The following LPCAT2 variants were observed in gnomAD, a reference collection of about 807,000 sequenced individuals.
The protein encoded by LPCAT2 is lysophosphatidylcholine acyltransferase 2.
In LPCAT2, 58 loss-of-function variants were observed where a neutral mutation model predicts 64.7. The ratio of observed to expected loss-of-function variants is 0.90; its 90% CI spans 0.73 to 1.12. The LOEUF is 1.12. Among genes scored for constraint, LPCAT2 ranks in the 50% most tolerant of loss-of-function variants. The pLI is 0.00. For synonymous variants in LPCAT2, 252 were observed against 245.3 expected (o/e 1.03, Z -0.26); for missense variants, 579 against 669.8 (o/e 0.86, Z 1.50).
chr16:55,581,189 C>A (rs558207921), intron 13 of LPCAT2, among the ~76,000 whole-genome samples: 16 of 152,270 alleles, frequency 1.1e-4, no homozygotes, highest in South Asian at 6.2e-4. Flanking sequence ...AATTAAAGTT[C>A]TTGGTTTCAG....
chr16:55,516,674 A>G (rs1484278380), intron 1 of LPCAT2, among the ~76,000 whole-genome samples: 1 of 152,212 alleles, frequency 6.6e-6, no homozygotes, highest in Non-Finnish European at 1.5e-5. Context: ...TCGAAGGGTG[A>G]AAGATTTTCA....
intron 1 of LPCAT2, among the ~76,000 whole-genome samples, chr16:55,523,102 A>T (rs1244208488): frequency 1.3e-5 from 2 of 151,718 alleles, no homozygotes; most frequent in Non-Finnish European, 3.0e-5. Flanking sequence ...CAAATTGATA[A>T]GAAAAAGACT....
intron 2 of LPCAT2, 117 bp downstream of exon 2, chr16:55,525,764 C>A: frequency 1.8e-6 from 1 of 566,844 alleles, no homozygotes; most frequent in Non-Finnish European, 2.7e-6. Context: ...TTAGATAAAA[C>A]TATTTTATCT....
chr16:55,552,758 G>C (rs1382487744), intron 11 of LPCAT2, among the ~76,000 whole-genome samples: 2 of 152,198 alleles, frequency 1.3e-5, no homozygotes, highest in Non-Finnish European at 2.9e-5. Flanking sequence ...GCTAAAAAAT[G>C]TGAGCAATCA....
chr16:55,577,959 C>T (rs1270748139), intron 12 of LPCAT2, among the ~76,000 whole-genome samples: 1 of 152,152 alleles, frequency 6.6e-6, no homozygotes, highest in East Asian at 1.9e-4. Context: ...CTCTAATAAT[C>T]AAATCCAACA....
chr16:55,529,781 G>A, intron 3 of LPCAT2, 54 bp from the exon 4 acceptor site: 1 of 916,458 alleles, frequency 1.1e-6, no homozygotes, highest in East Asian at 2.6e-5. Flanking sequence ...TATTATTGCT[G>A]TGGTTGCTTT....
In LPCAT2 at chr16:55,574,634, C is replaced by A. The variant is rs748693528; in HGVS notation, c.1219C>A (p.His407Asn). The change falls in exon 12 of 14, where the codon CAT becomes AAT. Residue 407 changes from histidine to asparagine, a missense_variant. By Grantham distance (68) the His-to-Asn change is moderately conservative. Coordinates refer to ENST00000262134, the MANE Select transcript of LPCAT2 (RefSeq NM_017839.5). ...RQLFALFDRN[H>N]DGSIDFREYV... is the part of the protein sequence containing the mutation. ...GATTTATCCCATCCTTTCACAGAAC[C>A]ATGATGGCAGCATTGACTTCCGAGA... is the stretch of plus-strand genomic sequence containing the variant. 6.2e-7 allele frequency: 1 copy of A among 1,610,016 alleles called. No individual in the cohort carries two copies. Among genetic ancestry groups the A allele is most frequent in the East Asian group, 2.2e-5 (1 of 44,848 alleles).
intron 11 of LPCAT2, among the ~76,000 whole-genome samples, chr16:55,561,827 T>C (rs1426089182): frequency 6.6e-6 from 1 of 151,968 alleles, no homozygotes; most frequent in African/African-American, 2.4e-5. Context: ...CATTTGGTTT[T>C]TGGTGTTCAC....
intron 11 of LPCAT2, among the ~76,000 whole-genome samples, chr16:55,569,141 C>T (rs1234018424): frequency 6.6e-6 from 1 of 152,224 alleles, no homozygotes; most frequent in Non-Finnish European, 1.5e-5. Flanking sequence ...CATCCCTCAG[C>T]TTCCTGTTAG....
At chr16:55,544,965 T>A (rs538882183) in intron 8 of LPCAT2, among the ~76,000 whole-genome samples, 2 of 152,316 alleles carry the variant, frequency 1.3e-5, no homozygotes, top group East Asian at 3.9e-4. Context: ...TGTGTTGTTC[T>A]ATACTATTAA....
At chr16:55,554,403 A>C (rs910101740) in intron 11 of LPCAT2, among the ~76,000 whole-genome samples, 1 of 152,174 alleles carries the variant, frequency 6.6e-6, no homozygotes, top group African/African-American at 2.4e-5. Context: ...TTATGGAGAC[A>C]ACTTCTTTTC....
intron 1 of LPCAT2, among the ~76,000 whole-genome samples, chr16:55,517,141 G>A (rs1191520970): frequency 6.6e-6 from 1 of 151,360 alleles, no homozygotes; most frequent in Non-Finnish European, 1.5e-5. Context: ...AAAAATGAAA[G>A]AAGACTCAAA....
At chr16:55,512,907 A>G (rs1484414966) in intron 1 of LPCAT2, among the ~76,000 whole-genome samples, 1 of 152,184 alleles carries the variant, frequency 6.6e-6, no homozygotes, top group African/African-American at 2.4e-5. Context: ...CTTCAAACAA[A>G]TTTTCCCTAA....
intron 9 of LPCAT2, 33 bp from the exon 10 acceptor site, chr16:55,549,244 A>G: frequency 6.6e-7 from 1 of 1,504,134 alleles, no homozygotes; most frequent in Non-Finnish European, 8.9e-7. Context: ...TTTTAAAAAA[A>G]ATGAATTTTA....
chr16:55,570,764 T>C (rs1479275385), intron 11 of LPCAT2, among the ~76,000 whole-genome samples: 5 of 152,220 alleles, frequency 3.3e-5, no homozygotes, highest in African/African-American at 1.2e-4. Context: ...TTAAGTATAT[T>C]AAAACAATTT....
At position 55,582,442 on chromosome 16, in the gene LPCAT2, CT is replaced by C. The variant is rs1226799925; in HGVS notation, c.1451-466del. Among the ~76,000 whole-genome samples the C allele has an allele frequency of 3.3e-5, 5 of 152,044 alleles. No homozygotes were observed. The South Asian group carries it at 1.0e-3, about 31-fold the overall frequency. On this transcript the variant is annotated intron_variant, in intron 13 of 13. Coordinates refer to ENST00000262134, the MANE Select transcript of LPCAT2 (RefSeq NM_017839.5). ...CAATTATGTGTTACTTTATATCTTG[CT>C]TTTTTCATTAAACATTATGGCTTTA... is the stretch of plus-strand genomic sequence containing the variant.
chr16:55,568,311 T>C (rs1411070510), intron 11 of LPCAT2, among the ~76,000 whole-genome samples: 12 of 152,232 alleles, frequency 7.9e-5, no homozygotes, highest in Non-Finnish European at 1.3e-4. Context: ...GCATGCCCTG[T>C]TGACGTTAGC....
intron 11 of LPCAT2, among the ~76,000 whole-genome samples, chr16:55,562,248 T>G (rs1218057387): frequency 2.0e-5 from 3 of 151,970 alleles, no homozygotes; most frequent in Admixed American, 1.3e-4. Flanking sequence ...TTAGCTCTTC[T>G]GTGTTTTTGC....
intron 11 of LPCAT2, among the ~76,000 whole-genome samples, chr16:55,556,499 C>T (rs369837561): frequency 1.3e-5 from 2 of 152,124 alleles, no homozygotes; most frequent in Admixed American, 6.5e-5. Flanking sequence ...ACACCAGGGC[C>T]GGGCGCGGTG....
Sources: gnomAD v4.1 joint callset for allele counts (sites outside exome capture counted in the v4.1 genomes callset) on GRCh38, gnomAD v4.1.1 for gene constraint, MANE v1.5 for transcripts, NCBI Gene and HGNC (gene_info 2026-07-23, HGNC 2026-07-21) for gene names.